The following SLC44A5 variants were observed in gnomAD, a reference collection of about 807,000 sequenced individuals.
SLC44A5 encodes the protein choline transporter-like protein 5.
SLC44A5 carries 57 observed loss-of-function variants against 101.8 expected under a neutral mutation model. The ratio of observed to expected loss-of-function variants is 0.56; its 90% confidence interval spans 0.45 to 0.70. SLC44A5 has a LOEUF of 0.70. Among genes scored for constraint, SLC44A5 ranks in the 30% least tolerant of loss-of-function variants. SLC44A5 has a pLI of 0.00. For synonymous variants in SLC44A5, 281 were observed against 290.9 expected, an observed-to-expected ratio of 0.97 and a Z score of 0.35; for missense variants, 737 against 853.1, an observed-to-expected ratio of 0.86 and a Z score of 1.70.
intron 2 of SLC44A5, among the ~76,000 whole-genome samples, chr1:75,405,097 A>T (rs1224241775): frequency 6.6e-6 from 1 of 152,244 alleles, no homozygotes; most frequent in East Asian, 1.9e-4. Context: ...GAAGAGACAA[A>T]GAAGGGCATT....
chr1:75,467,672 A>C (rs1321812543), intron 2 of SLC44A5, among the ~76,000 whole-genome samples: 2 of 152,214 alleles, frequency 1.3e-5, no homozygotes, highest in Non-Finnish European at 2.9e-5. Context: ...GCCATATACA[A>C]AAACTAAATC....
intron 2 of SLC44A5, among the ~76,000 whole-genome samples, chr1:75,495,378 C>A (rs7534305): frequency 0.021 from 3,197 of 151,998 alleles, 123 homozygotes; most frequent in African/African-American, 0.073. Context: ...TGGCGTGAAC[C>A]CAGGAGGCAG....
intron 2 of SLC44A5, among the ~76,000 whole-genome samples, chr1:75,482,253 C>T (rs1215754533): frequency 6.6e-6 from 1 of 150,658 alleles, no homozygotes; most frequent in Non-Finnish European, 1.5e-5. Context: ...GGGAACATCA[C>T]ACTCTAGGGA....
intron 1 of SLC44A5, among the ~76,000 whole-genome samples, chr1:75,565,203 T>G (rs1032873212): frequency 6.6e-6 from 1 of 151,852 alleles, no homozygotes; most frequent in Non-Finnish European, 1.5e-5. Flanking sequence ...GGTGAAGGAG[T>G]CTTCAATCTA....
rs2101669605 is a variant in SLC44A5 at position 75,453,963 on chromosome 1, C to A, written c.14-57342G>T. Among the ~76,000 whole-genome samples, 4 of 152,056 alleles carry A rather than the reference C, an allele frequency of 2.6e-5. No homozygotes were observed. The East Asian group carries it at 7.7e-4, about 29-fold the overall frequency. On this transcript the variant is annotated intron_variant, in intron 2 of 23. Coordinates refer to ENST00000370859, the MANE Select transcript of SLC44A5 (RefSeq NM_001130058.2). ...AGATGAACTCACAGCCAAATTCTAT[C>A]AGACATACAAAGAGGAGCTGCTACC...
chr1:75,269,661 C>T (rs1651299442), intron 6 of SLC44A5, among the ~76,000 whole-genome samples: 1 of 152,032 alleles, frequency 6.6e-6, no homozygotes, highest in African/African-American at 2.4e-5. Context: ...TAATAATCAT[C>T]TTTCTGCTAC....
At chr1:75,417,296 C>A (rs565525277) in intron 2 of SLC44A5, among the ~76,000 whole-genome samples, 4 of 152,198 alleles carry the variant, frequency 2.6e-5, no homozygotes, top group Non-Finnish European at 5.9e-5. Flanking sequence ...CTGCCACCAT[C>A]CATGTAAGAT....
chr1:75,547,350 A>G (rs545549689), intron 1 of SLC44A5, among the ~76,000 whole-genome samples: 12 of 152,212 alleles, frequency 7.9e-5, no homozygotes, highest in African/African-American at 2.7e-4. Context: ...TGCCAAAACT[A>G]TTGCACCCAG....
At chr1:75,659,279 C>A in the SLC44A5 span, among the ~76,000 whole-genome samples, 1 of 101,988 alleles carries the variant, frequency 9.8e-6, no homozygotes. Flanking sequence ...ACTCTCATAT[C>A]AAAACCAAAC....
chr1:75,307,030 G>A (rs1005182849), intron 4 of SLC44A5, among the ~76,000 whole-genome samples: 1 of 151,988 alleles, frequency 6.6e-6, no homozygotes, highest in African/African-American at 2.4e-5. Context: ...GAGCCACCGC[G>A]CCCGGCCGGT....
At chr1:75,273,993 A>G (rs1184850736) in intron 6 of SLC44A5, among the ~76,000 whole-genome samples, 1 of 152,120 alleles carries the variant, frequency 6.6e-6, no homozygotes, top group African/African-American at 2.4e-5. Context: ...GTGTGAATTC[A>G]TCTGATTTTG....
intron 3 of SLC44A5, among the ~76,000 whole-genome samples, chr1:75,342,473 G>T (rs1015898651): frequency 2.6e-5 from 4 of 152,106 alleles, no homozygotes; most frequent in African/African-American, 7.2e-5. Context: ...GTACAGAAAG[G>T]TGAGATAATT....
At chr1:75,371,756 G>T (rs1660240183) in intron 3 of SLC44A5, among the ~76,000 whole-genome samples, 1 of 152,148 alleles carries the variant, frequency 6.6e-6, no homozygotes, top group African/African-American at 2.4e-5. Context: ...ATTTAAAAGT[G>T]TGAGATTATA....
chr1:75,223,979 T>C (rs1347052390), intron 13 of SLC44A5, among the ~76,000 whole-genome samples: 1 of 152,212 alleles, frequency 6.6e-6, no homozygotes, highest in Non-Finnish European at 1.5e-5. Context: ...TAAAAAACCC[T>C]CTATATCTAA....
intron 5 of SLC44A5, among the ~76,000 whole-genome samples, chr1:75,292,049 G>C (rs1653599214): frequency 6.6e-6 from 1 of 151,470 alleles, no homozygotes; most frequent in South Asian, 2.1e-4. Context: ...GCAGGGTAAA[G>C]CGTAATTTCA....
intron 23 of SLC44A5, chr1:75,205,901 T>C (rs1424981213): frequency 6.6e-6 from 1 of 152,184 alleles, no homozygotes; most frequent in African/African-American, 2.4e-5. Flanking sequence ...ATTTTCACCA[T>C]GGACAGAGGT....
At chr1:75,225,370 C>T (rs1437049146) in intron 13 of SLC44A5, among the ~76,000 whole-genome samples, 1 of 152,068 alleles carries the variant, frequency 6.6e-6, no homozygotes, top group African/African-American at 2.4e-5. Context: ...AAAAAATTGC[C>T]TAACAATGCA....
chr1:75,673,587 G>A, the SLC44A5 span, among the ~76,000 whole-genome samples: 9 of 152,162 alleles, frequency 5.9e-5, no homozygotes, highest in Middle Eastern at 3.2e-3. Flanking sequence ...GGTAGGTAGG[G>A]AGTGGTCACA....
intron 2 of SLC44A5, among the ~76,000 whole-genome samples, chr1:75,460,654 G>T (rs896572913): frequency 6.6e-6 from 1 of 152,042 alleles, no homozygotes; most frequent in Non-Finnish European, 1.5e-5. Context: ...TATTCAATGA[G>T]ACTAAAACTC....
Sources: gnomAD v4.1 joint callset for allele counts (sites outside exome capture counted in the v4.1 genomes callset) on GRCh38, gnomAD v4.1.1 for gene constraint, MANE v1.5 for transcripts, NCBI Gene and HGNC (gene_info 2026-07-23, HGNC 2026-07-21) for gene names.